GRIN2A: variants seen among roughly 807,000 people sequenced by gnomAD.
GRIN2A encodes glutamate ionotropic receptor NMDA type subunit 2A.
In GRIN2A, 22 loss-of-function variants were observed where a neutral mutation model predicts 113.4. The ratio of observed to expected loss-of-function variants is 0.19; its 90% confidence interval spans 0.14 to 0.28. The LOEUF is 0.28. Among genes scored for constraint, GRIN2A ranks in the 10% least tolerant of loss-of-function variants. The pLI is 1.00. For missense variants in GRIN2A, 1,502 were observed against 1,887.0 expected (o/e 0.80, Z 3.78); for synonymous variants, 827 against 738.4 (o/e 1.12, Z -1.94).
intron 2 of GRIN2A, among the ~76,000 whole-genome samples, chr16:10,123,022 G>C (rs2048864372): frequency 6.6e-6 from 1 of 152,208 alleles, no homozygotes; most frequent in African/African-American, 2.4e-5. Context: ...AGCTGAATAA[G>C]TTGTCCAGTG....
At position 9,875,883 on chromosome 16, in the gene GRIN2A, C is replaced by T. The variant is rs539137669; in HGVS notation, c.1122+15103G>A. On this transcript the variant is annotated intron_variant, in intron 4 of 12. Coordinates refer to ENST00000330684, the MANE Select transcript of GRIN2A (RefSeq NM_001134407.3). ...AGTAGGTGTCCCAGTGTGCCATGTG[C>T]ACCTCTCCTGTTTATGCTCATTTCA... Among the ~76,000 whole-genome samples the T allele has an allele frequency of 3.3e-5, 5 of 152,282 alleles. No homozygotes were observed. The South Asian group carries it at 1.0e-3, about 32-fold the overall frequency.
chr16:10,106,560 G>A (rs891399959), intron 2 of GRIN2A, among the ~76,000 whole-genome samples: 6 of 152,088 alleles, frequency 3.9e-5, no homozygotes, highest in Non-Finnish European at 7.4e-5. Context: ...TTGAAGATAG[G>A]GAGCGTGACT....
chr16:9,853,213 C>T (rs62034941), intron 4 of GRIN2A, among the ~76,000 whole-genome samples: 130 of 152,206 alleles, frequency 8.5e-4, no homozygotes, highest in Non-Finnish European at 1.4e-3. Flanking sequence ...AAATGCAAAG[C>T]CTTGTAGGCT....
At chr16:10,063,722 C>A (rs1056418775) in intron 2 of GRIN2A, among the ~76,000 whole-genome samples, 2 of 152,156 alleles carry the variant, frequency 1.3e-5, no homozygotes, top group Admixed American at 6.5e-5. Flanking sequence ...CTTCAATATA[C>A]TTTTATCAGT....
chr16:9,900,076 T>C (rs973438691), intron 3 of GRIN2A, among the ~76,000 whole-genome samples: 1 of 152,246 alleles, frequency 6.6e-6, no homozygotes, highest in Non-Finnish European at 1.5e-5. Context: ...AGCAGAGTGC[T>C]TGGCACATTA....
intron 2 of GRIN2A, among the ~76,000 whole-genome samples, chr16:10,056,135 C>A (rs2047453667): frequency 1.3e-5 from 2 of 152,186 alleles, no homozygotes; most frequent in Admixed American, 1.3e-4. Context: ...ATGAGCATTT[C>A]CTAAATGCAG....
chr16:10,009,642 T>G (rs916189993), intron 2 of GRIN2A, among the ~76,000 whole-genome samples: 1 of 152,074 alleles, frequency 6.6e-6, no homozygotes, highest in African/African-American at 2.4e-5. Flanking sequence ...CACATGTTCC[T>G]CAAGGGTCTT....
chr16:10,141,553 A>G (rs1426642324), intron 2 of GRIN2A, among the ~76,000 whole-genome samples: 1 of 152,206 alleles, frequency 6.6e-6, no homozygotes, highest in Non-Finnish European at 1.5e-5. Flanking sequence ...GAAAAGCAGG[A>G]GAGACCAAAT....
In GRIN2A at chr16:9,755,207, G is replaced by A. The variant is rs1900304489; in HGVS notation, c.*7942C>T. On this transcript the variant is annotated 3_prime_UTR_variant, in exon 13 of 13. Transcript: ENST00000330684. ...TGCAGACCGCTGACACTTTATCTGA[G>A]GAAGTTAATCTGAGGAATGACTTCA... 1 of 188,742 alleles carries A rather than the reference G, an allele frequency of 5.3e-6. No homozygotes were observed. Among genetic ancestry groups the A allele is most frequent in the East Asian group, 8.4e-5 (1 of 11,854 alleles). 11.7% of individuals were successfully genotyped at this position (188,742 alleles called of 1,614,324 possible). A position where few individuals can be genotyped will look rare whatever the true frequency, so the allele number is the denominator to read the frequency against.
At chr16:10,090,060 T>C (rs2048158284) in intron 2 of GRIN2A, among the ~76,000 whole-genome samples, 1 of 152,198 alleles carries the variant, frequency 6.6e-6, no homozygotes, top group South Asian at 2.1e-4. Context: ...TTTACAGCTT[T>C]TTTAGTATTT....
intron 2 of GRIN2A, among the ~76,000 whole-genome samples, chr16:10,055,047 C>CAAAAAAAAAA: frequency 2.9e-3 from 30 of 10,372 alleles, no homozygotes; most frequent in Middle Eastern, 0.062. Flanking sequence ...GACTCTATCT[C>CAAAAAAAAAA]AAAAAAAAAA....
At chr16:10,142,369 C>G (rs2049344509) in intron 2 of GRIN2A, among the ~76,000 whole-genome samples, 1 of 152,156 alleles carries the variant, frequency 6.6e-6, no homozygotes, top group Non-Finnish European at 1.5e-5. Flanking sequence ...CGTCAGAGCC[C>G]TGACTTAACC....
intron 2 of GRIN2A, among the ~76,000 whole-genome samples, chr16:9,958,183 A>T (rs2045349157): frequency 6.6e-6 from 1 of 152,218 alleles, no homozygotes; most frequent in Non-Finnish European, 1.5e-5. Context: ...TTGATGTAAA[A>T]GCATCTGGCA....
chr16:10,000,980 T>A (rs1031684371), intron 2 of GRIN2A, among the ~76,000 whole-genome samples: 5 of 152,066 alleles, frequency 3.3e-5, no homozygotes, highest in African/African-American at 9.7e-5. Context: ...TGACTCTCCA[T>A]CCCTGAGACC....
chr16:9,890,805 G>GCA (rs2043677882), intron 4 of GRIN2A, among the ~76,000 whole-genome samples, 181 bp downstream of exon 4: 1 of 152,186 alleles, frequency 6.6e-6, no homozygotes. Flanking sequence ...CCCAGAGAAA[G>GCA]CATTCCAATT....
chr16:10,126,899 C>G (rs1446825741), intron 2 of GRIN2A, among the ~76,000 whole-genome samples: 1 of 152,146 alleles, frequency 6.6e-6, no homozygotes, highest in Non-Finnish European at 1.5e-5. Flanking sequence ...CACTTTTTAC[C>G]AGCTCTGAGG....
At position 9,769,025 on chromosome 16, in the gene GRIN2A, C is replaced by T. The variant is rs548466487; in HGVS notation, c.2421G>A (p.Val807=). Residue 807 remains valine (V), a synonymous_variant, in exon 12 of 13, where the codon GTG becomes GTA. Transcript: ENST00000330684. ...TGICHNEKNE[V]MSSQLDIDNM... ...TGTCAATGTCCAGCTGGCTGCTCAT[C>T]ACCTCGTTCTTCTCGTTGTGGCAGA... The T allele has an allele frequency of 2.5e-6, 4 of 1,614,202 alleles. No individual in the cohort carries two copies. Among genetic ancestry groups the T allele is most frequent in the Non-Finnish European group, 3.4e-6 (4 of 1,180,026 alleles).
chr16:9,977,015 A>G (rs1596380264), intron 2 of GRIN2A, among the ~76,000 whole-genome samples: 2 of 152,226 alleles, frequency 1.3e-5, no homozygotes, highest in Non-Finnish European at 2.9e-5. Context: ...TGATTCCGAC[A>G]ACAAAGAAAG....
intron 2 of GRIN2A, among the ~76,000 whole-genome samples, chr16:10,161,993 CA>C (rs1439961096): frequency 1.3e-5 from 2 of 152,164 alleles, no homozygotes; most frequent in South Asian, 4.1e-4. Flanking sequence ...ATTATATTTG[CA>C]AAGTCCCTTT....
Sources: gnomAD v4.1 joint callset for allele counts (sites outside exome capture counted in the v4.1 genomes callset) on GRCh38, gnomAD v4.1.1 for gene constraint, MANE v1.5 for transcripts, NCBI Gene and HGNC (gene_info 2026-07-23, HGNC 2026-07-21) for gene names.